Variants in STK3 observed in about 807,000 individuals in gnomAD.
STK3 encodes serine/threonine-protein kinase 3.
STK3 carries 41 observed loss-of-function variants against 58.0 expected under a neutral mutation model. The observed-to-expected ratio is 0.71, with a 90% CI of 0.55 to 0.92. The LOEUF is 0.92. Among genes scored for constraint, STK3 ranks in the 40% least tolerant of loss-of-function variants. The pLI, the probability that STK3 is intolerant of heterozygous loss-of-function variation, is 0.00. For synonymous variants in STK3, 170 were observed against 191.0 expected (o/e 0.89, Z 0.91); for missense variants, 479 against 602.7 (o/e 0.79, Z 2.15).
rs191673886 is a variant in STK3 at position 98,632,155 on chromosome 8, C to T, written c.685-35986G>A. Among the ~76,000 whole-genome samples the T allele has an allele frequency of 6.7e-3, 1,026 of 152,200 alleles. 7 individuals carry two copies. The highest frequency in any genetic ancestry group is 0.023 in the African/African-American group (962 of 41,522). On this transcript the variant is annotated intron_variant, in intron 6 of 10. Coordinates refer to ENST00000419617, the MANE Select transcript of STK3 (RefSeq NM_006281.4). ...TTGTACTGCTCAAAAATCCATAAAC[C>T]TCGCAAAGAGACAAAACTGGATCAC... is the stretch of plus-strand genomic sequence containing the variant.
At chr8:98,541,867 G>A (rs1294270017) in intron 9 of STK3, among the ~76,000 whole-genome samples, 1 of 152,166 alleles carries the variant, frequency 6.6e-6, no homozygotes, top group Admixed American at 6.5e-5. Flanking sequence ...AGTAATCTAT[G>A]CTGACTTATA....
intron 8 of STK3, among the ~76,000 whole-genome samples, chr8:98,552,166 T>A (rs539646700): frequency 1.3e-4 from 20 of 152,258 alleles, no homozygotes; most frequent in African/African-American, 3.8e-4. Context: ...CAGAGTCCCA[T>A]ATAAATTATT....
At chr8:98,462,653 C>G (rs1820093380) in intron 10 of STK3, among the ~76,000 whole-genome samples, 1 of 152,180 alleles carries the variant, frequency 6.6e-6, no homozygotes, top group South Asian at 2.1e-4. Context: ...AAAGTACTCA[C>G]TGACATATTT....
chr8:98,377,361 A>T (rs537332300), intron 2 of STK3, among the ~76,000 whole-genome samples: 3 of 152,280 alleles, frequency 2.0e-5, no homozygotes, highest in Admixed American at 2.0e-4. Context: ...TATTTTATGC[A>T]TGGAAGTTTT....
In STK3 at chr8:98,886,427, T is replaced by C. The variant is rs146869190; in HGVS notation, c.-78-2593A>G. 7.0e-3 allele frequency among the ~76,000 whole-genome samples: 1,062 copies of C among 152,328 alleles called. 10 individuals are homozygous for C. The highest frequency in any genetic ancestry group is 0.024 in the African/African-American group (999 of 41,566). On this transcript the variant is annotated intron_variant, in intron 1 of 1. Coordinates refer to the STK3 transcript ENST00000519420. ...TTATTAAAACAAATGTTCAATGCAA[T>C]GTATTTGCAAGAGCAAAACAATTTA...
Position 98,789,869 on chromosome 8 carries a change from A to G in STK3, c.27-15050T>C, listed in dbSNP as rs117674578. On this transcript the variant is annotated intron_variant, in intron 1 of 10. Coordinates refer to ENST00000419617, the MANE Select transcript of STK3 (RefSeq NM_006281.4). ...TGGTGAAACCCTGTCTCTACTTAAAATAGAAAAAAGTAGCTGGGCGTGGTG... is the reference window on the plus strand; with the variant it reads ...TGGTGAAACCCTGTCTCTACTTAAAGTAGAAAAAAGTAGCTGGGCGTGGTG... Among the ~76,000 whole-genome samples the G allele has an allele frequency of 9.4e-3, 1,436 of 152,228 alleles. 8 individuals carry two copies. Among genetic ancestry groups the G allele is most frequent in the Non-Finnish European group, 0.015 (1,010 of 68,006 alleles).
intron 3 of STK3, among the ~76,000 whole-genome samples, chr8:98,765,399 CA>C (rs1830880174): frequency 6.6e-6 from 1 of 152,130 alleles, no homozygotes; most frequent in Non-Finnish European, 1.5e-5. Context: ...TAGGATTATG[CA>C]ATCACTTCAT....
At chr8:98,452,768 T>G (rs1375341804), downstream of STK3, among the ~76,000 whole-genome samples, 1 of 151,444 alleles carries the variant, frequency 6.6e-6, no homozygotes, top group African/African-American at 2.4e-5. Flanking sequence ...TTTTTTTTTT[T>G]TTTTTTTTTT....
At chr8:98,716,845 T>C (rs1168320918) in intron 4 of STK3, among the ~76,000 whole-genome samples, 1 of 151,536 alleles carries the variant, frequency 6.6e-6, no homozygotes, top group Non-Finnish European at 1.5e-5. Flanking sequence ...AGGAACAGAG[T>C]AGAAAACCCA....
intron 8 of STK3, among the ~76,000 whole-genome samples, chr8:98,567,507 C>T (rs1812591370): frequency 6.6e-6 from 1 of 152,136 alleles, no homozygotes; most frequent in African/African-American, 2.4e-5. Context: ...CCATTTACTT[C>T]TATTCTAATC....
At chr8:98,495,934 A>G (rs1823100401) in intron 10 of STK3, among the ~76,000 whole-genome samples, 1 of 152,200 alleles carries the variant, frequency 6.6e-6, no homozygotes, top group Admixed American at 6.5e-5. Context: ...AAAATGGTCC[A>G]GAACTTTGTA....
intron 3 of STK3, among the ~76,000 whole-genome samples, chr8:98,858,355 G>GAGAGAGAGAC (rs1564065958): frequency 1.5e-5 from 2 of 137,606 alleles, no homozygotes; most frequent in East Asian, 4.5e-4. Flanking sequence ...GAGAGAGAGA[G>GAGAGAGAGAC]AGAGACAGAG....
At chr8:98,528,188 C>G (rs560072220) in intron 9 of STK3, among the ~76,000 whole-genome samples, 1 of 152,244 alleles carries the variant, frequency 6.6e-6, no homozygotes, top group South Asian at 2.1e-4. Flanking sequence ...TCCTTGCTTC[C>G]AATATCACAG....
chr8:98,720,439 T>A (rs1057123384), intron 4 of STK3, among the ~76,000 whole-genome samples: 2 of 152,214 alleles, frequency 1.3e-5, no homozygotes, highest in Non-Finnish European at 2.9e-5. Context: ...AACATAAATA[T>A]ATGAATTAGT....
rs1439529909 is a variant in STK3 at position 98,654,408 on chromosome 8, C to T, written c.684+52059G>A. 2.6e-5 allele frequency among the ~76,000 whole-genome samples: 4 copies of T among 152,208 alleles called. No homozygotes were observed. The South Asian group carries it at 6.2e-4, about 24-fold the overall frequency. ...AATGGGCAAAAACTGGAAGCATTCC[C>T]TTTGAAAACTGGCACAAGACAGGGA... is the stretch of plus-strand genomic sequence containing the variant. On this transcript the variant is annotated intron_variant, in intron 6 of 10. Coordinates refer to ENST00000419617, the MANE Select transcript of STK3 (RefSeq NM_006281.4).
At chr8:98,487,981 C>T (rs975096527) in intron 10 of STK3, among the ~76,000 whole-genome samples, 1 of 152,210 alleles carries the variant, frequency 6.6e-6, no homozygotes, top group Admixed American at 6.5e-5. Context: ...TAACTATGAT[C>T]AAGAATTGGC....
chr8:98,659,495 T>C (rs940193340), intron 6 of STK3, among the ~76,000 whole-genome samples: 2 of 151,834 alleles, frequency 1.3e-5, no homozygotes, highest in Non-Finnish European at 2.9e-5. Flanking sequence ...ACAATTTTGA[T>C]GGAATTACTT....
At chr8:98,572,666 A>G (rs1813057731) in intron 8 of STK3, among the ~76,000 whole-genome samples, 1 of 152,194 alleles carries the variant, frequency 6.6e-6, no homozygotes. Context: ...CTTCAGATTC[A>G]TTCTGCCTAT....
intron 3 of STK3, among the ~76,000 whole-genome samples, chr8:98,860,106 A>G (rs1301403747): frequency 6.6e-6 from 1 of 152,218 alleles, no homozygotes; most frequent in African/African-American, 2.4e-5. Context: ...TTTATTTACT[A>G]CTATGTGCGA....
Sources: allele counts gnomAD v4.1 joint callset (sites outside exome capture counted in the v4.1 genomes callset), GRCh38; gene constraint gnomAD v4.1.1; transcripts MANE v1.5; gene names NCBI Gene and HGNC (gene_info 2026-07-23, HGNC 2026-07-21).